Variants in ELMO1 observed in about 807,000 individuals in gnomAD.
ELMO1 encodes engulfment and cell motility 1.
In ELMO1, 26 loss-of-function variants were observed where a neutral mutation model predicts 98.9. The observed-to-expected ratio is 0.26, with a 90% CI of 0.19 to 0.36. The LOEUF (loss-of-function observed/expected upper bound fraction) is 0.36, where lower values mean the gene tolerates loss of function less well. Ranked by LOEUF, ELMO1 falls within the 10% of genes least tolerant of loss-of-function variation. The probability of loss-of-function intolerance (pLI) is 1.00; values close to 1 mark genes in which losing one functional copy is unlikely to be tolerated. For synonymous variants in ELMO1, 346 were observed against 346.0 expected (o/e 1.00, Z 0.00); for missense variants, 627 against 935.2 (o/e 0.67, Z 4.30).
chr7:36,915,892 A>C (rs1784652879), intron 16 of ELMO1, among the ~76,000 whole-genome samples: 1 of 152,154 alleles, frequency 6.6e-6, no homozygotes, highest in Non-Finnish European at 1.5e-5. Context: ...TTCCTTCCCC[A>C]AACAGCCACT....
intron 13 of ELMO1, among the ~76,000 whole-genome samples, chr7:37,167,222 C>G (rs567825341): frequency 0.13 from 19,544 of 150,548 alleles, 1,379 homozygotes; most frequent in Middle Eastern, 0.25. Flanking sequence ...TATTTTGAGC[C>G]TATGTGTGTC....
intron 1 of ELMO1, among the ~76,000 whole-genome samples, chr7:37,421,613 C>A (rs1265325662): frequency 2.0e-5 from 3 of 152,190 alleles, no homozygotes; most frequent in Non-Finnish European, 4.4e-5. Context: ...TCCTAAACGC[C>A]AGGCTGTTTT....
chr7:36,971,506 A>AT (rs1311299637), intron 16 of ELMO1, among the ~76,000 whole-genome samples: 9 of 152,150 alleles, frequency 5.9e-5, no homozygotes, highest in East Asian at 1.9e-4. Context: ...AATTCGTTAC[A>AT]TTTTTTTCTG....
intron 15 of ELMO1, among the ~76,000 whole-genome samples, chr7:37,035,413 C>A (rs1021241863): frequency 6.6e-6 from 1 of 152,106 alleles, no homozygotes; most frequent in African/African-American, 2.4e-5. Flanking sequence ...CAATTCTGCA[C>A]CCACACAAAA....
At chr7:37,196,481 G>A (rs1222516207) in intron 13 of ELMO1, among the ~76,000 whole-genome samples, 1 of 152,230 alleles carries the variant, frequency 6.6e-6, no homozygotes, top group African/African-American at 2.4e-5. Context: ...GAAGCAGCAA[G>A]TGGATAGTTG....
At chr7:37,252,439 C>G (rs1409854630) in intron 6 of ELMO1, among the ~76,000 whole-genome samples, 1 of 152,134 alleles carries the variant, frequency 6.6e-6, no homozygotes, top group Non-Finnish European at 1.5e-5. Context: ...CATCTACAAC[C>G]ATCTGATCTT....
chr7:37,092,106 T>C lies in ELMO1; in HGVS notation c.1300+4513A>G, dbSNP rs148896771. 5.9e-4 allele frequency among the ~76,000 whole-genome samples: 90 copies of C among 152,248 alleles called. 1 individual carries two copies. Among genetic ancestry groups the C allele is most frequent in the African/African-American group, 2.1e-3 (88 of 41,546 alleles). Reference sequence around the variant, plus strand: ...CAGGCTATGGGGATATGTGACCACATCCAGGTCCCTAAGTATTCTTCTTTG... The same window carrying C: ...CAGGCTATGGGGATATGTGACCACACCCAGGTCCCTAAGTATTCTTCTTTG... On this transcript the variant is annotated intron_variant, in intron 15 of 21. Coordinates refer to ENST00000310758, the MANE Select transcript of ELMO1 (RefSeq NM_014800.11).
chr7:36,876,150 G>A (rs188164133), intron 19 of ELMO1, among the ~76,000 whole-genome samples: 29 of 152,144 alleles, frequency 1.9e-4, no homozygotes, highest in African/African-American at 7.0e-4. Flanking sequence ...ATTCCACATC[G>A]CTGGGCTCTG....
intron 10 of ELMO1, among the ~76,000 whole-genome samples, chr7:37,218,285 C>A (rs981298578): frequency 2.6e-5 from 4 of 152,170 alleles, no homozygotes; most frequent in Non-Finnish European, 4.4e-5. Flanking sequence ...TGTCCAACTT[C>A]TACTAAAGAA....
chr7:37,094,287 G>A (rs1056422346), intron 15 of ELMO1, among the ~76,000 whole-genome samples: 2 of 152,168 alleles, frequency 1.3e-5, no homozygotes, highest in Admixed American at 6.5e-5. Context: ...GGTGGGAGAT[G>A]GAACAGTCTT....
At chr7:37,157,005 G>A (rs1788818806) in intron 13 of ELMO1, among the ~76,000 whole-genome samples, 1 of 152,172 alleles carries the variant, frequency 6.6e-6, no homozygotes, top group African/African-American at 2.4e-5. Context: ...ATGCAAGGCT[G>A]GTTCAACATA....
chr7:37,143,228 C>G (rs6958656), intron 13 of ELMO1, among the ~76,000 whole-genome samples: 1 of 152,040 alleles, frequency 6.6e-6, no homozygotes, highest in Non-Finnish European at 1.5e-5. Context: ...AATTGGGTAG[C>G]TTGCCCAAAG....
chr7:37,345,988 A>T (rs2700988), intron 1 of ELMO1, among the ~76,000 whole-genome samples: 3 of 123,276 alleles, frequency 2.4e-5, no homozygotes, highest in East Asian at 5.1e-4. Context: ...GACTCCATCT[A>T]AAAAAAAAAA....
chr7:37,384,115 G>C (rs1204424599), intron 1 of ELMO1, among the ~76,000 whole-genome samples: 1 of 152,044 alleles, frequency 6.6e-6, no homozygotes, highest in Admixed American at 6.6e-5. Flanking sequence ...GTGCCCGGCC[G>C]AAACATACAG....
At chr7:36,984,989 T>C (rs1286095527) in intron 16 of ELMO1, 3 of 985,298 alleles carry the variant, frequency 3.0e-6, no homozygotes, top group East Asian at 1.1e-4. Flanking sequence ...TCTTGCCACA[T>C]ACATTTTTAA....
intron 15 of ELMO1, among the ~76,000 whole-genome samples, chr7:37,032,949 G>C (rs1289472958): frequency 2.6e-5 from 4 of 152,104 alleles, no homozygotes; most frequent in Admixed American, 6.5e-5. Context: ...AGAGAAACTG[G>C]CATTTGAATT....
At chr7:36,960,662 GACA>G (rs1788866119) in intron 16 of ELMO1, among the ~76,000 whole-genome samples, 1 of 147,814 alleles carries the variant, frequency 6.8e-6, no homozygotes. Context: ...TCTATGACCA[GACA>G]ACATTATCCA....
intron 16 of ELMO1, among the ~76,000 whole-genome samples, chr7:36,997,182 T>G (rs1792282729): frequency 6.6e-6 from 1 of 152,086 alleles, no homozygotes; most frequent in Non-Finnish European, 1.5e-5. Context: ...AGGCACAGGG[T>G]GGCTAAGCTA....
chr7:37,395,916 G>C (rs145357604), intron 1 of ELMO1, among the ~76,000 whole-genome samples: 259 of 151,450 alleles, frequency 1.7e-3, no homozygotes, highest in African/African-American at 6.0e-3. Context: ...GAGAAAAAAT[G>C]CAATAGTGTC....
Sources: allele counts gnomAD v4.1 joint callset (sites outside exome capture counted in the v4.1 genomes callset), GRCh38; gene constraint gnomAD v4.1.1; transcripts MANE v1.5; gene names NCBI Gene and HGNC (gene_info 2026-07-23, HGNC 2026-07-21).